The following RAB40C variants were observed in gnomAD, a reference collection of about 807,000 sequenced individuals.
RAB40C encodes the protein ras-related protein Rab-40C.
Under a neutral mutation model 28.1 loss-of-function variants are expected in RAB40C, and 8 were observed. The ratio of observed to expected loss-of-function variants is 0.28; its 90% CI spans 0.17 to 0.51. The LOEUF (loss-of-function observed/expected upper bound fraction) is 0.51. Ranked by LOEUF, RAB40C falls within the 20% of genes least tolerant of loss-of-function variation. The pLI, the probability that RAB40C is intolerant of heterozygous loss-of-function variation, is 0.97. For missense variants in RAB40C, 288 were observed against 405.9 expected, an observed-to-expected ratio of 0.71 and a Z score of 2.50; for synonymous variants, 201 against 171.7, an observed-to-expected ratio of 1.17 and a Z score of -1.34.
chr16:595,525 G>A (rs571339447), intron 1 of RAB40C, among the ~76,000 whole-genome samples: 12 of 152,204 alleles, frequency 7.9e-5, no homozygotes, highest in Admixed American at 3.3e-4. Flanking sequence ...CCTCAGGCCC[G>A]GGATGACCCT....
At chr16:601,495 G>A (rs536189743) in intron 1 of RAB40C, among the ~76,000 whole-genome samples, 36 of 152,214 alleles carry the variant, frequency 2.4e-4, no homozygotes, top group Middle Eastern at 3.4e-3. Flanking sequence ...GCCAGACTCC[G>A]GGCAGGTCCC....
Position 595,554 on chromosome 16 carries a change from C to T in RAB40C, c.142+5121C>T, listed in dbSNP as rs540112546. Among the ~76,000 whole-genome samples the T allele has an allele frequency of 1.2e-4, 19 of 152,252 alleles. No individual in the cohort carries two copies. In the South Asian group the frequency reaches 3.7e-3, roughly 30 times the overall value. ...TGACCCTGGCTGGCATCTGAGAACCCATGTGGTCAGGAGGTAGGACTTCTG... is the reference window on the plus strand; with the variant it reads ...TGACCCTGGCTGGCATCTGAGAACCTATGTGGTCAGGAGGTAGGACTTCTG... On this transcript the variant is annotated intron_variant, in intron 1 of 5. Transcript: ENST00000248139.
intron 1 of RAB40C, among the ~76,000 whole-genome samples, chr16:598,705 C>T (rs901153855): frequency 7.3e-5 from 11 of 151,368 alleles, no homozygotes; most frequent in East Asian, 3.9e-4. Flanking sequence ...TGTTGCACTA[C>T]GTTCCAGCCT....
At chr16:620,276 C>T (rs948327841) in intron 3 of RAB40C, among the ~76,000 whole-genome samples, 1 of 151,916 alleles carries the variant, frequency 6.6e-6, no homozygotes, top group Non-Finnish European at 1.5e-5. Context: ...GCTTATAATC[C>T]CAGCTACTTA....
chr16:617,472 T>C (rs2036611257), intron 2 of RAB40C, among the ~76,000 whole-genome samples: 1 of 152,120 alleles, frequency 6.6e-6, no homozygotes, highest in Non-Finnish European at 1.5e-5. Flanking sequence ...AGATCGCGGC[T>C]CCCCTCCTGC....
chr16:605,933 AG>A (rs2036352647), intron 1 of RAB40C, among the ~76,000 whole-genome samples: 1 of 152,216 alleles, frequency 6.6e-6, no homozygotes, highest in African/African-American at 2.4e-5. Flanking sequence ...CCTTCCTTTT[AG>A]CCATGCTGAT....
chr16:597,820 G>T (rs530177213), intron 1 of RAB40C, among the ~76,000 whole-genome samples: 1 of 151,638 alleles, frequency 6.6e-6, no homozygotes, highest in African/African-American at 2.4e-5. Flanking sequence ...AGAGCAGAGG[G>T]CTGGGCACGG....
intron 3 of RAB40C, among the ~76,000 whole-genome samples, chr16:622,978 AT>A: frequency 6.6e-6 from 1 of 151,924 alleles, no homozygotes; most frequent in African/African-American, 2.4e-5. Flanking sequence ...CTCCGTGGTC[AT>A]TTGGGTCCCT....
intron 3 of RAB40C, chr16:623,983 C>G: frequency 3.0e-6 from 3 of 985,452 alleles, no homozygotes; most frequent in Non-Finnish European, 3.6e-6. Flanking sequence ...GCGTTCTTAC[C>G]TCACCTGGGT....
At chr16:625,803 C>T in intron 4 of RAB40C, 96 bp from the exon 5 acceptor site, 1 of 1,252,538 alleles carries the variant, frequency 8.0e-7, no homozygotes, top group Non-Finnish European at 1.1e-6. Context: ...ACGGCCCTCA[C>T]CCCATCATAG....
chr16:596,005 G>A (rs2036115883), intron 1 of RAB40C, among the ~76,000 whole-genome samples: 1 of 152,258 alleles, frequency 6.6e-6, no homozygotes, highest in South Asian at 2.1e-4. Flanking sequence ...TTGTCCAGAG[G>A]CCAGATGCCA....
intron 1 of RAB40C, 118 bp downstream of exon 1, chr16:590,551 T>G: frequency 7.8e-7 from 1 of 1,276,678 alleles, no homozygotes; most frequent in East Asian, 3.2e-5. Context: ...AGGAACGCCT[T>G]TGCCTGGCTT....
intron 1 of RAB40C, among the ~76,000 whole-genome samples, chr16:598,462 G>A (rs770666326): frequency 1.5e-4 from 23 of 151,410 alleles, no homozygotes; most frequent in Non-Finnish European, 3.4e-4. Context: ...TTGGGAGGCT[G>A]AGGCAGGAGA....
chr16:597,876 G>A (rs569748743), intron 1 of RAB40C, among the ~76,000 whole-genome samples: 67 of 149,372 alleles, frequency 4.5e-4, no homozygotes, highest in African/African-American at 1.0e-3. Context: ...CGAGGTAGGC[G>A]GAGTGCTGGA....
chr16:625,230 G>T, intron 3 of RAB40C: 1 of 1,440,696 alleles, frequency 6.9e-7, no homozygotes, highest in South Asian at 1.3e-5. Context: ...CCCCCCTGCT[G>T]CAGTCCTGCC....
chr16:617,478 C>G (rs2036611428), intron 2 of RAB40C, among the ~76,000 whole-genome samples: 1 of 152,256 alleles, frequency 6.6e-6, no homozygotes, highest in South Asian at 2.1e-4. Context: ...CGGCTCCCCT[C>G]CTGCCCCGGA....
intron 1 of RAB40C, among the ~76,000 whole-genome samples, chr16:600,157 A>T (rs560673147): frequency 6.6e-6 from 1 of 152,334 alleles, no homozygotes; most frequent in Admixed American, 6.5e-5. Context: ...TTCAGGTGGC[A>T]CCTGCGTCCT....
In RAB40C at chr16:611,059, C is replaced by T. The variant is rs139128797; in HGVS notation, c.143-6149C>T. Among the ~76,000 whole-genome samples, 365 of 152,332 alleles carry T rather than the reference C, an allele frequency of 2.4e-3. 1 individual carries two copies. Among genetic ancestry groups the T allele is most frequent in the Non-Finnish European group, 2.9e-3 (198 of 68,026 alleles). Reference sequence around the variant, plus strand: ...TGTTGCTGAGAATCCTGTTCTGACGCGCACCGTGGGCAACCGGGTGCGGAG... The same window carrying T: ...TGTTGCTGAGAATCCTGTTCTGACGTGCACCGTGGGCAACCGGGTGCGGAG... On this transcript the variant is annotated intron_variant, in intron 1 of 5. Coordinates refer to ENST00000248139, the MANE Select transcript of RAB40C (RefSeq NM_021168.5).
At chr16:627,298 C>T in intron 5 of RAB40C, 44 bp from the exon 6 acceptor site, 2 of 1,571,714 alleles carry the variant, frequency 1.3e-6, no homozygotes, top group South Asian at 2.3e-5. Flanking sequence ...CACAGGGCCT[C>T]CTCCCCCACA....
Sources: allele counts gnomAD v4.1 joint callset (sites outside exome capture counted in the v4.1 genomes callset), GRCh38; gene constraint gnomAD v4.1.1; transcripts MANE v1.5; gene names NCBI Gene and HGNC (gene_info 2026-07-23, HGNC 2026-07-21).